The following ART3 variants were observed in gnomAD, a reference collection of about 807,000 sequenced individuals.
ART3 encodes the protein ecto-ADP-ribosyltransferase 3.
ART3 carries 49 observed loss-of-function variants against 48.5 expected under a neutral mutation model. That is an observed-to-expected ratio of 1.01 (90% CI 0.80 to 1.28). The LOEUF is 1.28. Ranked by LOEUF, ART3 falls within the 50% of genes most tolerant of loss-of-function variation. ART3 has a pLI of 0.00. For missense variants in ART3, 438 were observed against 454.3 expected (o/e 0.96, Z 0.33); for synonymous variants, 145 against 157.2 (o/e 0.92, Z 0.58).
At chr4:76,075,781 C>T in intron 1 of ART3, 100 bp from the exon 2 acceptor site, 1 of 870,304 alleles carries the variant, frequency 1.1e-6, no homozygotes, top group Non-Finnish European at 1.8e-6. Context: ...ATGCTATCCA[C>T]TCACATTCTA....
At chr4:76,060,638 A>G (rs1021564260) in intron 1 of ART3, among the ~76,000 whole-genome samples, 3 of 152,230 alleles carry the variant, frequency 2.0e-5, no homozygotes, top group African/African-American at 7.2e-5. Context: ...CAAAATACAT[A>G]TATACATTGG....
chr4:76,098,597 A>G (rs554318239), intron 4 of ART3, among the ~76,000 whole-genome samples: 1 of 152,178 alleles, frequency 6.6e-6, no homozygotes, highest in South Asian at 2.1e-4. Flanking sequence ...TGGCTCTACT[A>G]AAAATACAAA....
chr4:76,023,510 G>A (rs1199729828), intron 1 of ART3: 2 of 1,291,556 alleles, frequency 1.5e-6, no homozygotes, highest in Non-Finnish European at 2.3e-6. Context: ...AAAACGTGGG[G>A]CTAGTGTGCC....
chr4:76,090,778 A>G (rs1326338422), intron 3 of ART3, among the ~76,000 whole-genome samples: 1 of 152,244 alleles, frequency 6.6e-6, no homozygotes, highest in East Asian at 1.9e-4. Flanking sequence ...AACTGCACAT[A>G]AAGTAAAATT....
chr4:76,035,612 A>T (rs866478604), intron 1 of ART3, among the ~76,000 whole-genome samples: 2 of 152,212 alleles, frequency 1.3e-5, no homozygotes, highest in Non-Finnish European at 2.9e-5. Flanking sequence ...TTTATCCTCA[A>T]ATATTTTCCC....
intron 1 of ART3, among the ~76,000 whole-genome samples, chr4:76,016,093 C>T (rs1361482612): frequency 2.0e-5 from 3 of 152,126 alleles, no homozygotes; most frequent in Admixed American, 1.3e-4. Context: ...TTTATTTCTC[C>T]TTCATGTTTA....
chr4:76,065,133 G>C (rs1046251073), intron 1 of ART3, among the ~76,000 whole-genome samples: 2 of 152,116 alleles, frequency 1.3e-5, no homozygotes, highest in Non-Finnish European at 2.9e-5. Flanking sequence ...TAGCCATAGT[G>C]GTGGTGAGTT....
intron 2 of ART3, among the ~76,000 whole-genome samples, chr4:76,079,612 T>C (rs1721983682): frequency 6.6e-6 from 1 of 152,150 alleles, no homozygotes; most frequent in Admixed American, 6.5e-5. Context: ...CAACATTTAA[T>C]GGCTAACTGG....
At chr4:76,101,766 A>G (rs1373621895) in intron 8 of ART3, among the ~76,000 whole-genome samples, 3 of 151,968 alleles carry the variant, frequency 2.0e-5, no homozygotes, top group African/African-American at 7.3e-5. Flanking sequence ...AAAAAAAATT[A>G]CTCAGATGTC....
chr4:76,095,692 G>A (rs1725850487), intron 3 of ART3, among the ~76,000 whole-genome samples: 1 of 152,114 alleles, frequency 6.6e-6, no homozygotes, highest in Admixed American at 6.5e-5. Flanking sequence ...TTTTTAATAA[G>A]CACCCAGGTG....
At chr4:76,097,940 G>A (rs1275530582) in intron 4 of ART3, among the ~76,000 whole-genome samples, 1 of 152,136 alleles carries the variant, frequency 6.6e-6, no homozygotes, top group Non-Finnish European at 1.5e-5. Context: ...GGGCATGAAG[G>A]GAACACGCCA....
At chr4:76,082,600 A>T (rs1173955927) in intron 3 of ART3, 65 bp downstream of exon 3, 20 of 1,373,184 alleles carry the variant, frequency 1.5e-5, no homozygotes, top group Non-Finnish European at 1.8e-5. Context: ...GCTTAGGGAA[A>T]GGTCAGTGAA....
At chr4:76,093,374 G>T (rs1417361874) in intron 3 of ART3, among the ~76,000 whole-genome samples, 1 of 152,142 alleles carries the variant, frequency 6.6e-6, no homozygotes, top group African/African-American at 2.4e-5. Flanking sequence ...GTTGCAGTGA[G>T]CCACGACTGC....
chr4:76,047,089 C>G (rs1199106487), intron 1 of ART3, among the ~76,000 whole-genome samples: 2 of 151,974 alleles, frequency 1.3e-5, no homozygotes, highest in African/African-American at 4.8e-5. Context: ...TGGGGCAGTG[C>G]ACCTTCCAGT....
intron 1 of ART3, among the ~76,000 whole-genome samples, chr4:76,029,596 A>G (rs1001246719): frequency 1.3e-5 from 2 of 152,180 alleles, no homozygotes; most frequent in East Asian, 1.9e-4. Context: ...TTGTGTGTGT[A>G]CTACTTATAA....
intron 10 of ART3, among the ~76,000 whole-genome samples, chr4:76,104,997 G>C (rs969834348): frequency 2.6e-5 from 4 of 152,280 alleles, no homozygotes; most frequent in South Asian, 4.1e-4. Context: ...TGGAAGCTGC[G>C]TGCTGTATAA....
intron 1 of ART3, among the ~76,000 whole-genome samples, chr4:76,042,914 G>A (rs1340160571): frequency 6.6e-6 from 1 of 151,934 alleles, no homozygotes; most frequent in South Asian, 2.1e-4. Flanking sequence ...GATTGGTAGA[G>A]CCGAGTGGTC....
intron 1 of ART3, among the ~76,000 whole-genome samples, chr4:76,047,485 T>C (rs1261219624): frequency 6.6e-6 from 1 of 152,052 alleles, no homozygotes; most frequent in Admixed American, 6.6e-5. Context: ...TATATTTTCT[T>C]AAGGCCTCTC....
chr4:76,071,080 T>TG (rs1578408837), upstream of ART3, among the ~76,000 whole-genome samples: 3 of 152,086 alleles, frequency 2.0e-5, no homozygotes, highest in African/African-American at 7.2e-5. Flanking sequence ...CCAAGCACAG[T>TG]GGCTCATGCC....
Sources: allele counts gnomAD v4.1 joint callset (sites outside exome capture counted in the v4.1 genomes callset), GRCh38; gene constraint gnomAD v4.1.1; transcripts MANE v1.5; gene names NCBI Gene and HGNC (gene_info 2026-07-23, HGNC 2026-07-21).